Variants in HS3ST4 observed in about 807,000 individuals in gnomAD.
The protein encoded by HS3ST4 is heparan sulfate glucosamine 3-O-sulfotransferase 4.
A neutral mutation model predicts 29.2 loss-of-function variants in HS3ST4; 17 were observed. The observed-to-expected ratio is 0.58, with a 90% CI of 0.40 to 0.87. The LOEUF (loss-of-function observed/expected upper bound fraction) is 0.87. Among genes scored for constraint, HS3ST4 ranks in the 40% least tolerant of loss-of-function variants. HS3ST4 has a pLI of 0.00. For missense variants in HS3ST4, 627 were observed against 634.5 expected, an observed-to-expected ratio of 0.99 and a Z score of 0.13; for synonymous variants, 314 against 285.7, an observed-to-expected ratio of 1.10 and a Z score of -1.00.
chr16:25,964,177 TA>T (rs35421168), intron 1 of HS3ST4, among the ~76,000 whole-genome samples: 28,736 of 135,640 alleles, frequency 0.21, 3,410 homozygotes, highest in African/African-American at 0.35. Flanking sequence ...CTCCATCTCA[TA>T]AAAAAAAAAA....
At chr16:26,094,032 A>G (rs939264162) in intron 1 of HS3ST4, among the ~76,000 whole-genome samples, 1 of 152,202 alleles carries the variant, frequency 6.6e-6, no homozygotes, top group African/African-American at 2.4e-5. Flanking sequence ...AGATCAAATT[A>G]ATGAAATAAA....
intron 1 of HS3ST4, among the ~76,000 whole-genome samples, chr16:25,946,288 T>C (rs2141694611): frequency 6.6e-6 from 1 of 152,298 alleles, no homozygotes; most frequent in South Asian, 2.1e-4. Context: ...CATATTGCAG[T>C]GTGTTAAGGT....
intron 1 of HS3ST4, among the ~76,000 whole-genome samples, chr16:26,042,017 T>G (rs552609572): frequency 6.6e-6 from 1 of 152,330 alleles, no homozygotes; most frequent in South Asian, 2.1e-4. Flanking sequence ...GAAGAATCAC[T>G]GATCTACTGA....
chr16:25,973,324 G>A (rs1231788515), intron 1 of HS3ST4, among the ~76,000 whole-genome samples: 14 of 152,220 alleles, frequency 9.2e-5, no homozygotes, highest in Non-Finnish European at 1.5e-4. Flanking sequence ...GATGAGAAAT[G>A]CCGTAGGCAT....
rs145660003 is a variant in HS3ST4, at chr16:25,733,645, C to T, written c.734+40494C>T. ...TGTCCCAAATTTGCTTGGATTCTGTCCTGTCCCCTGCCCTGTCCCAAATTT... is the reference window on the plus strand; with the variant it reads ...TGTCCCAAATTTGCTTGGATTCTGTTCTGTCCCCTGCCCTGTCCCAAATTT... On this transcript the variant is annotated intron_variant, in intron 1 of 1. Coordinates refer to ENST00000331351, the MANE Select transcript of HS3ST4 (RefSeq NM_006040.3). Among the ~76,000 whole-genome samples the T allele has an allele frequency of 2.6e-5, 4 of 152,280 alleles. No homozygotes were observed. The East Asian group carries it at 7.7e-4, about 29-fold the overall frequency.
intron 1 of HS3ST4, among the ~76,000 whole-genome samples, chr16:26,031,718 T>C (rs1419245127): frequency 9.3e-5 from 14 of 150,180 alleles, no homozygotes; most frequent in South Asian, 2.1e-4. Context: ...TTTTTTTTTT[T>C]CCAAGCCAAA....
chr16:25,694,124 T>C (rs187559423), intron 1 of HS3ST4, among the ~76,000 whole-genome samples: 103 of 152,338 alleles, frequency 6.8e-4, no homozygotes, highest in African/African-American at 2.4e-3. Flanking sequence ...GCTGGCTGCA[T>C]CTCCATTGCA....
chr16:26,119,455 G>A (rs576301331), intron 1 of HS3ST4, among the ~76,000 whole-genome samples: 1 of 152,304 alleles, frequency 6.6e-6, no homozygotes, highest in Non-Finnish European at 1.5e-5. Flanking sequence ...TGCAGGGTGC[G>A]TAAGGAAACA....
At chr16:26,032,040 AACC>A (rs1969535957) in intron 1 of HS3ST4, among the ~76,000 whole-genome samples, 1 of 152,128 alleles carries the variant, frequency 6.6e-6, no homozygotes, top group South Asian at 2.1e-4. Context: ...CTAGAAATGG[AACC>A]ACTGCTCTTT....
chr16:25,883,781 T>A (rs779670914), intron 1 of HS3ST4, among the ~76,000 whole-genome samples: 9 of 152,166 alleles, frequency 5.9e-5, no homozygotes, highest in Non-Finnish European at 1.2e-4. Flanking sequence ...AACTGAGACT[T>A]CAACAAGATT....
chr16:26,134,357 C>CTTTTTTTTTTTTTTTTTTT (rs1167036022), intron 1 of HS3ST4, among the ~76,000 whole-genome samples: 1 of 109,066 alleles, frequency 9.2e-6, no homozygotes. Context: ...CTTTTCTTTT[C>CTTTTTTTTTTTTTTTTTTT]TTTTCTTTTT....
At chr16:25,786,295 G>A (rs537236283) in intron 1 of HS3ST4, among the ~76,000 whole-genome samples, 3 of 152,218 alleles carry the variant, frequency 2.0e-5, no homozygotes, top group South Asian at 4.1e-4. Context: ...ATCAGATACC[G>A]ACTGGAGTCC....
At chr16:25,911,125 C>G (rs1439146770) in intron 1 of HS3ST4, among the ~76,000 whole-genome samples, 9 of 152,098 alleles carry the variant, frequency 5.9e-5, no homozygotes, top group Non-Finnish European at 1.2e-4. Context: ...CTCAGAGGCC[C>G]CAAAAATTGC....
intron 1 of HS3ST4, among the ~76,000 whole-genome samples, chr16:25,819,130 T>C (rs1282335902): frequency 6.6e-6 from 1 of 152,160 alleles, no homozygotes; most frequent in Non-Finnish European, 1.5e-5. Flanking sequence ...CTAGGAAGAT[T>C]AGGTTTGAAA....
chr16:26,000,745 A>G (rs193020535), intron 1 of HS3ST4, among the ~76,000 whole-genome samples: 102 of 152,304 alleles, frequency 6.7e-4, no homozygotes, highest in South Asian at 1.4e-3. Context: ...AAGAGTCAAA[A>G]TTTAAGGGCA....
chr16:26,093,405 AGCAATATTTGCTGTTCT>A (rs1490487344), intron 1 of HS3ST4, among the ~76,000 whole-genome samples: 2 of 152,180 alleles, frequency 1.3e-5, no homozygotes, highest in Admixed American at 6.5e-5. Context: ...AGGATGAGGC[AGCAATATTTGCTGTTCT>A]GCAATATTTG....
intron 1 of HS3ST4, among the ~76,000 whole-genome samples, chr16:26,069,435 C>G (rs35688744): frequency 0.12 from 18,696 of 152,178 alleles, 1,511 homozygotes; most frequent in Non-Finnish European, 0.17. Context: ...TCTTTTGGAA[C>G]CTTGCTCCTC....
chr16:26,020,848 T>A (rs1173164389), intron 1 of HS3ST4, among the ~76,000 whole-genome samples: 3 of 152,182 alleles, frequency 2.0e-5, no homozygotes, highest in Admixed American at 2.0e-4. Context: ...AGGACCCACA[T>A]TGTTTAGGTT....
chr16:25,914,283 G>T (rs1968270067), intron 1 of HS3ST4, among the ~76,000 whole-genome samples: 1 of 150,188 alleles, frequency 6.7e-6, no homozygotes, highest in South Asian at 2.1e-4. Flanking sequence ...TGTGTGGGTA[G>T]GGTGTGCACG....
Sources: gnomAD v4.1 joint callset for allele counts (sites outside exome capture counted in the v4.1 genomes callset) on GRCh38, gnomAD v4.1.1 for gene constraint, MANE v1.5 for transcripts, NCBI Gene and HGNC (gene_info 2026-07-23, HGNC 2026-07-21) for gene names.